Variants in FAM20C observed in about 807,000 individuals in gnomAD.
The protein encoded by FAM20C is FAM20C golgi associated secretory pathway kinase.
FAM20C carries 40 observed loss-of-function variants against 51.5 expected under a neutral mutation model. The ratio of observed to expected loss-of-function variants is 0.78; its 90% CI spans 0.60 to 1.01. FAM20C has a LOEUF of 1.01. Among genes scored for constraint, FAM20C ranks in the 50% least tolerant of loss-of-function variants. FAM20C has a pLI of 0.00. For synonymous variants in FAM20C, 406 were observed against 380.6 expected, an observed-to-expected ratio of 1.07 and a Z score of -0.78; for missense variants, 861 against 844.7, an observed-to-expected ratio of 1.02 and a Z score of -0.24.
chr7:218,986 C>T (rs1245515652), intron 3 of FAM20C, among the ~76,000 whole-genome samples: 1 of 152,172 alleles, frequency 6.6e-6, no homozygotes, highest in Non-Finnish European at 1.5e-5. Context: ...AACCCAGTGG[C>T]ATGGACGGGA....
At chr7:210,582 C>T (rs1000302991) in intron 3 of FAM20C, among the ~76,000 whole-genome samples, 5 of 152,036 alleles carry the variant, frequency 3.3e-5, no homozygotes, top group African/African-American at 1.2e-4. Flanking sequence ...CTGGGGGAGG[C>T]AGACTCCCGC....
chr7:219,894 G>T (rs1039002365), intron 3 of FAM20C, among the ~76,000 whole-genome samples: 2 of 152,220 alleles, frequency 1.3e-5, no homozygotes, highest in African/African-American at 2.4e-5. Flanking sequence ...TGGCCTCACC[G>T]GTTCCAAAGG....
At chr7:237,212 C>T (rs1190224235) in intron 3 of FAM20C, among the ~76,000 whole-genome samples, 6 of 152,200 alleles carry the variant, frequency 3.9e-5, no homozygotes, top group African/African-American at 1.4e-4. Context: ...ATCAGATTGG[C>T]CTCGAGGCAG....
chr7:217,027 T>A (rs890711087), intron 3 of FAM20C, among the ~76,000 whole-genome samples: 1 of 152,108 alleles, frequency 6.6e-6, no homozygotes, highest in Admixed American at 6.5e-5. Context: ...CTGTGTCATG[T>A]CTGACTGGCT....
chr7:243,065 C>T (rs1022233454), intron 3 of FAM20C, among the ~76,000 whole-genome samples: 4 of 146,434 alleles, frequency 2.7e-5, no homozygotes, highest in South Asian at 2.2e-4. Context: ...CTGTGCCACC[C>T]GGGAGACCTG....
intron 3 of FAM20C, among the ~76,000 whole-genome samples, chr7:244,727 C>T (rs1788080832): frequency 6.6e-6 from 1 of 152,248 alleles, no homozygotes; most frequent in South Asian, 2.1e-4. Context: ...GCCCACCATC[C>T]GCATTTTATT....
intron 2 of FAM20C, among the ~76,000 whole-genome samples, chr7:198,825 A>G (rs1256961922): frequency 6.6e-6 from 1 of 152,210 alleles, no homozygotes; most frequent in Non-Finnish European, 1.5e-5. Context: ...CAGCATTTCA[A>G]GGTGGGCTGA....
At chr7:210,380 G>A (rs1249219995) in intron 3 of FAM20C, among the ~76,000 whole-genome samples, 2 of 152,182 alleles carry the variant, frequency 1.3e-5, no homozygotes, top group Admixed American at 1.3e-4. Context: ...TGGGTTACGT[G>A]AAGGAGCTGT....
rs767408183 is a variant in FAM20C at position 193,503 on chromosome 7, C to A, written c.304C>A (p.Leu102Ile). The A allele has an allele frequency of 3.4e-4, 506 of 1,503,758 alleles. No homozygotes were observed. The highest frequency in any genetic ancestry group is 4.1e-4 in the Non-Finnish European group (456 of 1,123,268). 93.2% of individuals were successfully genotyped at this position (1,503,758 alleles called of 1,614,324 possible). Reference protein sequence around the residue: ...QDFSSDPSSNLSSHSLEKLPP... With the variant: ...QDFSSDPSSNISSHSLEKLPP... ...CTTCAGCTCCGACCCCTCCTCCAACCTCTCGTCCCACTCGCTGGAGAAACT... is the reference window on the plus strand; with the variant it reads ...CTTCAGCTCCGACCCCTCCTCCAACATCTCGTCCCACTCGCTGGAGAAACT... The change falls in exon 1 of 10, where the codon CTC becomes ATC. Residue 102 changes from leucine (L) to isoleucine (I), a missense_variant. Transcript: ENST00000313766.
At chr7:212,194 G>A (rs1166557208) in intron 3 of FAM20C, among the ~76,000 whole-genome samples, 2 of 152,272 alleles carry the variant, frequency 1.3e-5, no homozygotes, top group Non-Finnish European at 2.9e-5. Context: ...CGGGCACACT[G>A]GCTCGCAGCT....
intron 3 of FAM20C, among the ~76,000 whole-genome samples, chr7:214,728 G>A (rs998871258): frequency 3.9e-5 from 6 of 152,194 alleles, no homozygotes; most frequent in Admixed American, 3.3e-4. Context: ...AGGAGACCCG[G>A]CACTGGCTTT....
intron 3 of FAM20C, 99 bp from the exon 4 acceptor site, chr7:246,316 G>C (rs1176788744): frequency 1.2e-5 from 12 of 1,011,308 alleles, no homozygotes; most frequent in Non-Finnish European, 1.6e-5. Flanking sequence ...GAGCTCCACC[G>C]CATTTTTCAT....
At chr7:217,350 GTT>G (rs1344521456) in intron 3 of FAM20C, among the ~76,000 whole-genome samples, 89 of 152,168 alleles carry the variant, frequency 5.8e-4, no homozygotes, top group African/African-American at 2.0e-3. Flanking sequence ...CTTTCTCTAG[GTT>G]GTGACATGGT....
At chr7:235,600 G>T (rs1226821838) in intron 3 of FAM20C, among the ~76,000 whole-genome samples, 1 of 152,228 alleles carries the variant, frequency 6.6e-6, no homozygotes, top group African/African-American at 2.4e-5. Context: ...TGCCGAGGAG[G>T]TCCTGGGTAG....
rs887706923 is a variant in FAM20C, at chr7:235,671, G to A, written c.864-10744G>A. On this transcript the variant is annotated intron_variant, in intron 3 of 9. Coordinates refer to ENST00000313766, the MANE Select transcript of FAM20C (RefSeq NM_020223.4). ...CGCTCGGGTGGGGCCCGCGGCCTTGGAGTTGCTGGAGCAGCCGGTCAGCTC... is the reference window on the plus strand; with the variant it reads ...CGCTCGGGTGGGGCCCGCGGCCTTGAAGTTGCTGGAGCAGCCGGTCAGCTC... Among the ~76,000 whole-genome samples, 12 of 152,238 alleles carry A rather than the reference G, an allele frequency of 7.9e-5. No homozygotes were observed. In the East Asian group the frequency reaches 2.1e-3, roughly 27 times the overall value.
chr7:219,375 C>CCCAGCCCAGGACAGCAATGG (rs1291260822), intron 3 of FAM20C, among the ~76,000 whole-genome samples: 17 of 148,764 alleles, frequency 1.1e-4, no homozygotes, highest in Non-Finnish European at 1.8e-4. Flanking sequence ...GACAGCAACG[C>CCCAGCCCAGGACAGCAATGG]CCAGCCCAGG....
At position 256,777 on chromosome 7, in the gene FAM20C, G is replaced by A. The variant is rs2115173191; in HGVS notation, c.1363+14G>A. ...ACTTCCTCATGGGTACGTCCCGCAGGGGCACGGGGTCCCCGTGTCACTCGC... is the reference window on the plus strand; with the variant it reads ...ACTTCCTCATGGGTACGTCCCGCAGAGGCACGGGGTCCCCGTGTCACTCGC... On this transcript the variant is annotated intron_variant, in intron 7 of 9. Coordinates refer to ENST00000313766, the MANE Select transcript of FAM20C (RefSeq NM_020223.4). 15 of 1,534,078 alleles carry A rather than the reference G, an allele frequency of 9.8e-6. No individual in the cohort carries two copies. The highest frequency in any genetic ancestry group is 1.3e-5 in the Non-Finnish European group (15 of 1,145,110).
chr7:236,812 G>A (rs892293798), intron 3 of FAM20C, among the ~76,000 whole-genome samples: 19 of 140,886 alleles, frequency 1.3e-4, no homozygotes, highest in African/African-American at 2.8e-5. Flanking sequence ...GGTGGCTGTC[G>A]GGGTTATGGT....
intron 2 of FAM20C, among the ~76,000 whole-genome samples, chr7:206,066 G>A (rs1356973040): frequency 5.3e-5 from 8 of 152,176 alleles, no homozygotes; most frequent in South Asian, 4.1e-4. Flanking sequence ...CTCCAGCCAC[G>A]TGGAGGAGCC....
Sources: gnomAD v4.1 joint callset for allele counts (sites outside exome capture counted in the v4.1 genomes callset) on GRCh38, gnomAD v4.1.1 for gene constraint, MANE v1.5 for transcripts, NCBI Gene and HGNC (gene_info 2026-07-23, HGNC 2026-07-21) for gene names.